PTPRD: variants seen among roughly 807,000 people sequenced by gnomAD.
PTPRD encodes receptor-type tyrosine-protein phosphatase delta.
Under a neutral mutation model 214.5 loss-of-function variants are expected in PTPRD, and 34 were observed. The ratio of observed to expected loss-of-function variants is 0.16; its 90% CI spans 0.12 to 0.21. The LOEUF is 0.21. Among genes scored for constraint, PTPRD ranks in the 10% least tolerant of loss-of-function variants. PTPRD has a pLI of 1.00. For missense variants in PTPRD, 2,545 were observed against 2,398.7 expected (o/e 1.06, Z -1.27); for synonymous variants, 1,128 against 845.7 (o/e 1.33, Z -5.79).
chr9:8,671,486 G>A (rs1050396226), intron 12 of PTPRD, among the ~76,000 whole-genome samples: 1 of 151,994 alleles, frequency 6.6e-6, no homozygotes, highest in Non-Finnish European at 1.5e-5. Context: ...ATTGCTGTAA[G>A]TATACTTTTA....
intron 3 of PTPRD, among the ~76,000 whole-genome samples, chr9:10,126,792 G>A (rs1041989289): frequency 6.6e-6 from 1 of 152,098 alleles, no homozygotes; most frequent in Admixed American, 6.6e-5. Context: ...ATCACTAACT[G>A]ATAAGGTTGT....
chr9:8,644,509 C>T (rs574709245), intron 12 of PTPRD, among the ~76,000 whole-genome samples: 35 of 152,306 alleles, frequency 2.3e-4, no homozygotes, highest in Middle Eastern at 3.4e-3. Flanking sequence ...TTGCTCACCA[C>T]GTTGCAGATG....
At chr9:10,419,134 T>C (rs572232117) in intron 2 of PTPRD, among the ~76,000 whole-genome samples, 1 of 152,030 alleles carries the variant, frequency 6.6e-6, no homozygotes, top group African/African-American at 2.4e-5. Flanking sequence ...CAAAACTTCA[T>C]AGCAATAAAA....
intron 7 of PTPRD, among the ~76,000 whole-genome samples, chr9:9,688,679 C>G (rs1036139672): frequency 6.6e-6 from 1 of 151,894 alleles, no homozygotes; most frequent in Non-Finnish European, 1.5e-5. Flanking sequence ...AGTCCATTAT[C>G]TTGTATACTC....
At chr9:8,628,770 A>G (rs1482516910) in intron 14 of PTPRD, among the ~76,000 whole-genome samples, 2 of 151,892 alleles carry the variant, frequency 1.3e-5, no homozygotes, top group African/African-American at 2.4e-5. Context: ...GTGATCATTC[A>G]CAAATAATAT....
chr9:8,324,101 A>ATTTTTTT (rs200231613), intron 44 of PTPRD, among the ~76,000 whole-genome samples: 1 of 145,444 alleles, frequency 6.9e-6, no homozygotes, highest in African/African-American at 2.5e-5. Flanking sequence ...GATGATTAGC[A>ATTTTTTT]TTTTTTTTTT....
At chr9:8,683,591 C>T (rs1008254912) in intron 12 of PTPRD, among the ~76,000 whole-genome samples, 1 of 152,172 alleles carries the variant, frequency 6.6e-6, no homozygotes, top group Non-Finnish European at 1.5e-5. Flanking sequence ...TCCTTCTTGC[C>T]AGTCCTATGG....
intron 2 of PTPRD, among the ~76,000 whole-genome samples, chr9:10,537,139 A>G (rs544237955): frequency 6.6e-6 from 1 of 152,306 alleles, no homozygotes; most frequent in East Asian, 1.9e-4. Flanking sequence ...ATAAAGATGC[A>G]TGGCGAGATC....
At chr9:9,559,975 G>A (rs1233455488) in intron 8 of PTPRD, among the ~76,000 whole-genome samples, 1 of 152,222 alleles carries the variant, frequency 6.6e-6, no homozygotes, top group Non-Finnish European at 1.5e-5. Context: ...TCAGAGACCA[G>A]TGGATTGCCA....
At chr9:10,128,419 C>G (rs1166497839) in intron 3 of PTPRD, among the ~76,000 whole-genome samples, 2 of 152,094 alleles carry the variant, frequency 1.3e-5, no homozygotes, top group Admixed American at 1.3e-4. Context: ...AGGCAGAGAT[C>G]AGGATGATGC....
At chr9:9,216,182 A>C (rs569163490) in intron 9 of PTPRD, among the ~76,000 whole-genome samples, 1 of 152,262 alleles carries the variant, frequency 6.6e-6, no homozygotes, top group East Asian at 1.9e-4. Flanking sequence ...AGAGCTGTAA[A>C]AATTGCATAT....
chr9:9,499,246 CTTTT>C (rs2096314159), intron 8 of PTPRD, among the ~76,000 whole-genome samples: 2 of 152,016 alleles, frequency 1.3e-5, no homozygotes, highest in Non-Finnish European at 2.9e-5. Context: ...ATGTTATCCC[CTTTT>C]TAATGGATGA....
chr9:10,372,836 C>CATTATGATT, intron 2 of PTPRD, among the ~76,000 whole-genome samples: 1 of 146,642 alleles, frequency 6.8e-6, no homozygotes, highest in South Asian at 2.1e-4. Flanking sequence ...TGTTTTTATA[C>CATTATGATT]ATTATTATTA....
intron 7 of PTPRD, among the ~76,000 whole-genome samples, chr9:9,728,019 A>T (rs1225640823): frequency 6.6e-6 from 1 of 152,160 alleles, no homozygotes; most frequent in Non-Finnish European, 1.5e-5. Flanking sequence ...TCATGGGGGC[A>T]GTTTCCCCCA....
intron 42 of PTPRD, among the ~76,000 whole-genome samples, chr9:8,340,048 A>G (rs1850994309): frequency 6.6e-6 from 1 of 152,120 alleles, no homozygotes; most frequent in Non-Finnish European, 1.5e-5. Context: ...AGGCAGTAAG[A>G]ATATGCTAAA....
At chr9:10,129,275 A>G (rs1460523346) in intron 3 of PTPRD, among the ~76,000 whole-genome samples, 1 of 152,128 alleles carries the variant, frequency 6.6e-6, no homozygotes. Context: ...CATGCATACT[A>G]ATGGCATGTA....
At chr9:8,430,728 G>C (rs1267665293) in intron 35 of PTPRD, among the ~76,000 whole-genome samples, 1 of 152,110 alleles carries the variant, frequency 6.6e-6, no homozygotes. Flanking sequence ...CACTGACTAT[G>C]AGACTACCAG....
intron 12 of PTPRD, among the ~76,000 whole-genome samples, chr9:8,722,638 C>G (rs1031821474): frequency 2.6e-5 from 4 of 152,056 alleles, no homozygotes; most frequent in Non-Finnish European, 5.9e-5. Context: ...GGGAAAAGCC[C>G]TATTGAAGTT....
intron 10 of PTPRD, among the ~76,000 whole-genome samples, chr9:9,035,846 T>C (rs2154379925): frequency 6.6e-6 from 1 of 152,288 alleles, no homozygotes. Context: ...TAAAGGTGTT[T>C]CTTTCTCTAC....
Sources: allele counts gnomAD v4.1 joint callset (sites outside exome capture counted in the v4.1 genomes callset), GRCh38; gene constraint gnomAD v4.1.1; transcripts MANE v1.5; gene names NCBI Gene and HGNC (gene_info 2026-07-23, HGNC 2026-07-21).